CERS6: variants seen among roughly 807,000 people sequenced by gnomAD.
The protein encoded by CERS6 is ceramide synthase 6.
CERS6 carries 26 observed loss-of-function variants against 56.8 expected under a neutral mutation model. The ratio of observed to expected loss-of-function variants is 0.46; its 90% confidence interval spans 0.34 to 0.63. The LOEUF is 0.63. Ranked by LOEUF, CERS6 falls within the 30% of genes least tolerant of loss-of-function variation. The pLI, the probability that CERS6 is intolerant of heterozygous loss-of-function variation, is 0.01. For synonymous variants in CERS6, 164 were observed against 173.3 expected, an observed-to-expected ratio of 0.95 and a Z score of 0.42; for missense variants, 415 against 467.5, an observed-to-expected ratio of 0.89 and a Z score of 1.04.
chr2:168,760,927 TTG>T (rs1684563692), intron 8 of CERS6, among the ~76,000 whole-genome samples: 1 of 151,920 alleles, frequency 6.6e-6, no homozygotes, highest in African/African-American at 2.4e-5. Context: ...GGCTAATTTT[TTG>T]TGTGTTTTTA....
intron 1 of CERS6, among the ~76,000 whole-genome samples, chr2:168,508,667 C>T (rs1694723103): frequency 6.6e-6 from 1 of 151,616 alleles, no homozygotes; most frequent in Admixed American, 6.6e-5. Flanking sequence ...ACAATGGGAA[C>T]ACATGGACAC....
chr2:168,644,473 A>AGAT (rs1685125278), intron 4 of CERS6, among the ~76,000 whole-genome samples: 1 of 150,210 alleles, frequency 6.7e-6, no homozygotes, highest in African/African-American at 2.5e-5. Flanking sequence ...AAGAAATGAC[A>AGAT]GATGATTGAG....
chr2:168,752,268 T>TA (rs1258850119), intron 8 of CERS6, among the ~76,000 whole-genome samples: 3 of 142,374 alleles, frequency 2.1e-5, no homozygotes, highest in Non-Finnish European at 4.6e-5. Context: ...CCCCATCTTT[T>TA]AAAAAAATAA....
In CERS6 at chr2:168,728,857, A is replaced by G. The variant is rs1293500209; in HGVS notation, c.845+10879A>G. On this transcript the variant is annotated intron_variant, in intron 8 of 9. Coordinates refer to ENST00000305747, the MANE Select transcript of CERS6 (RefSeq NM_203463.3). ...CCCATCTCTACTAAAAATACAAAAA[A>G]TAGCCGGGCATGGTGGCACACGCCT... Among the ~76,000 whole-genome samples, 3 of 151,404 alleles carry G rather than the reference A, an allele frequency of 2.0e-5. No homozygotes were observed. In the East Asian group the frequency reaches 6.0e-4, roughly 30 times the overall value.
intron 6 of CERS6, among the ~76,000 whole-genome samples, chr2:168,697,523 CTTATA>C (rs1193441753): frequency 6.8e-6 from 1 of 147,832 alleles, no homozygotes; most frequent in Non-Finnish European, 1.5e-5. Context: ...ACGTAAAACT[CTTATA>C]TAACAGAGAG....
At chr2:168,587,248 T>C (rs994783859) in intron 3 of CERS6, among the ~76,000 whole-genome samples, 1 of 152,220 alleles carries the variant, frequency 6.6e-6, no homozygotes, top group African/African-American at 2.4e-5. Context: ...ATGGAATCAT[T>C]ATGTCTGGTT....
intron 8 of CERS6, among the ~76,000 whole-genome samples, chr2:168,725,458 TCTCA>T (rs1320579717): frequency 6.6e-6 from 1 of 152,276 alleles, no homozygotes; most frequent in Non-Finnish European, 1.5e-5. Context: ...CGCTGTCACC[TCTCA>T]CTAACACATC....
At chr2:168,549,833 A>C (rs189640044) in intron 2 of CERS6, among the ~76,000 whole-genome samples, 25 of 152,272 alleles carry the variant, frequency 1.6e-4, no homozygotes, top group African/African-American at 5.8e-4. Flanking sequence ...GTGATATGAA[A>C]TGTAACCAAT....
At chr2:168,615,599 C>T (rs939980546) in intron 3 of CERS6, among the ~76,000 whole-genome samples, 18 of 149,842 alleles carry the variant, frequency 1.2e-4, no homozygotes, top group Admixed American at 5.5e-4. Flanking sequence ...GCAATAGAGT[C>T]GAACAAGCAG....
chr2:168,542,763 A>G (rs1390960043), intron 1 of CERS6, among the ~76,000 whole-genome samples: 2 of 151,940 alleles, frequency 1.3e-5, no homozygotes, highest in Admixed American at 1.3e-4. Flanking sequence ...GTGGCACAAT[A>G]TTGGCCCACT....
intron 3 of CERS6, among the ~76,000 whole-genome samples, chr2:168,580,989 C>T (rs1353209644): frequency 6.6e-6 from 1 of 151,704 alleles, no homozygotes; most frequent in Non-Finnish European, 1.5e-5. Flanking sequence ...ATTCTCTGGG[C>T]CTTCTTAAAT....
chr2:168,464,211 T>TGTGTGTGTGTGTGA (rs938428488), intron 1 of CERS6, among the ~76,000 whole-genome samples: 2 of 148,940 alleles, frequency 1.3e-5, no homozygotes, highest in African/African-American at 5.0e-5. Context: ...TGTGTGTGTG[T>TGTGTGTGTGTGTGA]GACAAGGGTC....
In CERS6 at chr2:168,456,332, A is replaced by G. The variant is rs1199221209; in HGVS notation, c.-117A>G. The G allele has an allele frequency of 7.2e-6, 4 of 556,738 alleles. No homozygotes were observed. Among genetic ancestry groups the G allele is most frequent in the Non-Finnish European group, 9.9e-6 (4 of 402,784 alleles). The allele number at this position is 556,738 out of a possible 1,614,324, so 34.5% of individuals were successfully genotyped here. A position where few individuals can be genotyped will look rare whatever the true frequency, so the allele number is the denominator to read the frequency against. On this transcript the variant is annotated 5_prime_UTR_variant, in exon 1 of 10. Coordinates refer to ENST00000305747, the MANE Select transcript of CERS6 (RefSeq NM_203463.3). The surrounding 1 kb of genome is among the most constrained non-coding windows in gnomAD (Gnocchi z 4.1). ...GGAGGAGGCGGCGGCGGCGGGCGGG[A>G]GCAGCGGCGGCGGCGGCACAGGCTC...
At chr2:168,689,573 TC>T (rs1258597306) in intron 4 of CERS6, among the ~76,000 whole-genome samples, 2 of 152,194 alleles carry the variant, frequency 1.3e-5, no homozygotes, top group Non-Finnish European at 2.9e-5. Flanking sequence ...GCACACGCTC[TC>T]ATTTGATCTT....
At chr2:168,718,896 GA>G (rs1186877870) in intron 8 of CERS6, among the ~76,000 whole-genome samples, 3 of 152,172 alleles carry the variant, frequency 2.0e-5, no homozygotes, top group African/African-American at 7.2e-5. Context: ...GGTAGAGGCA[GA>G]GTCAGAAAAA....
intron 8 of CERS6, among the ~76,000 whole-genome samples, chr2:168,738,908 A>G (rs1376528139): frequency 8.6e-5 from 13 of 151,876 alleles, no homozygotes; most frequent in Admixed American, 1.3e-4. Context: ...TTTTTTTGAG[A>G]CAGAGTCTCA....
intron 4 of CERS6, among the ~76,000 whole-genome samples, chr2:168,648,256 G>T (rs74412810): frequency 0.024 from 3,588 of 152,132 alleles, 124 homozygotes; most frequent in African/African-American, 0.07. Flanking sequence ...GCGGGTATAT[G>T]TGTCCAGAAG....
chr2:168,631,830 A>ATATATATTATATAATATATAT (rs1491515458), intron 4 of CERS6, among the ~76,000 whole-genome samples: 21 of 127,212 alleles, frequency 1.7e-4, no homozygotes, highest in African/African-American at 5.8e-4. Context: ...ATATTATATA[A>ATATATATTATATAATATATAT]TATATATTAT....
chr2:168,590,603 G>A (rs921932266), intron 3 of CERS6, among the ~76,000 whole-genome samples: 2 of 152,240 alleles, frequency 1.3e-5, no homozygotes, highest in East Asian at 3.9e-4. Context: ...AGTATAATTA[G>A]TGAAAGCATT....
Sources: gnomAD v4.1 joint callset for allele counts (sites outside exome capture counted in the v4.1 genomes callset) on GRCh38, gnomAD v4.1.1 for gene constraint, Gnocchi (gnomAD v3.1) non-coding constraint, MANE v1.5 for transcripts, NCBI Gene and HGNC (gene_info 2026-07-23, HGNC 2026-07-21) for gene names.